SNAI3: variants seen among roughly 807,000 people sequenced by gnomAD.
SNAI3 encodes snail family transcriptional repressor 3, also known as zinc finger protein SNAI3.
SNAI3 carries 21 observed loss-of-function variants against 16.4 expected under a neutral mutation model. That is an observed-to-expected ratio of 1.28 (90% CI 0.91 to 1.85). The LOEUF (loss-of-function observed/expected upper bound fraction) is 1.85. SNAI3 is among the 40% of genes most tolerant of loss of function. The pLI is 0.00. For missense variants in SNAI3, 457 were observed against 372.8 expected, an observed-to-expected ratio of 1.23 and a Z score of -1.86; for synonymous variants, 202 against 166.6, an observed-to-expected ratio of 1.21 and a Z score of -1.64.
Position 88,681,795 on chromosome 16 carries a change from C to G in SNAI3, c.77-81G>C, listed in dbSNP as rs1417058377. 1 of 1,312,924 alleles carries G rather than the reference C, an allele frequency of 7.6e-7. No homozygotes were observed. Among genetic ancestry groups the G allele is most frequent in the East Asian group, 2.7e-5 (1 of 36,550 alleles). 81.3% of individuals were successfully genotyped at this position (1,312,924 alleles called of 1,614,324 possible). A position where few individuals can be genotyped will look rare whatever the true frequency, so the allele number is the denominator to read the frequency against. The stretch of plus-strand genomic sequence containing the variant: ...GTGTTTTCCAACTCTGATTCGTGGA[C>G]CCAGTCACAGCCCATCAGCAGCCTG... On this transcript the variant is annotated intron_variant, in intron 1 of 2. Coordinates refer to ENST00000332281, the MANE Select transcript of SNAI3 (RefSeq NM_178310.4). The surrounding 1 kb of genome is among the most constrained non-coding windows in gnomAD (Gnocchi z 5.4).
At chr16:88,678,714 C>T (rs1909061576) in intron 2 of SNAI3, 85 bp from the exon 3 acceptor site, 1 of 1,488,258 alleles carries the variant, frequency 6.7e-7, no homozygotes, top group Non-Finnish European at 8.9e-7. Flanking sequence ...ATGGATACTC[C>T]CATCCCTTCC....
rs1909358821 is a variant in SNAI3 at position 88,686,314 on chromosome 16, G to A, written c.76+17C>T. On this transcript the variant is annotated intron_variant, in intron 1 of 2. Coordinates refer to ENST00000332281, the MANE Select transcript of SNAI3 (RefSeq NM_178310.4). ...GGTCGAGTCCCGGCAGGGGCTCGGG[G>A]ATCGGGTAGTCAGTACCTCTCTGCG... 5 of 1,608,882 alleles carry A rather than the reference G, an allele frequency of 3.1e-6. No individual in the cohort carries two copies. Among genetic ancestry groups the A allele is most frequent in the Non-Finnish European group, 4.2e-6 (5 of 1,178,192 alleles).
chr16:88,685,046 A>G (rs1032460020), intron 1 of SNAI3: 1 of 152,302 alleles, frequency 6.6e-6, no homozygotes, highest in Non-Finnish European at 1.5e-5. Flanking sequence ...ACAGTTGCCC[A>G]CTGGGCCCAG....
At chr16:88,686,094 C>T in intron 1 of SNAI3, 1 of 548,126 alleles carries the variant, frequency 1.8e-6, no homozygotes, top group Non-Finnish European at 3.2e-6. Flanking sequence ...GAAAACTTCT[C>T]CAAGTTGGGA....
chr16:88,682,791 T>G, intron 1 of SNAI3, among the ~76,000 whole-genome samples: 1 of 136,006 alleles, frequency 7.4e-6, no homozygotes, highest in East Asian at 2.1e-4. Flanking sequence ...TTTTTTTTTT[T>G]TAGAGACGGA....
At chr16:88,679,171 C>T in intron 2 of SNAI3, 1 of 888,714 alleles carries the variant, frequency 1.1e-6, no homozygotes. Context: ...CCTGAGGGGC[C>T]CAGAGCACCT....
chr16:88,678,283 G>GCC lies in SNAI3; in HGVS notation c.*163_*164dup, dbSNP rs66535651. On this transcript the variant is annotated 3_prime_UTR_variant, in exon 3 of 3. Coordinates refer to ENST00000332281, the MANE Select transcript of SNAI3 (RefSeq NM_178310.4). ...TGGGGGAGTGTCCTCCGGCCCAGTG[G>GCC]CCCCCGCTGGACTTCTTTGGTTCTG... The GCC allele has an allele frequency of 8.3e-5, 48 of 575,758 alleles. No individual in the cohort carries two copies. Among genetic ancestry groups the GCC allele is most frequent in the East Asian group, 3.6e-4 (12 of 33,800 alleles). The allele number at this position is 575,758 out of a possible 1,614,324, so 35.7% of individuals were successfully genotyped here. A position where few individuals can be genotyped will look rare whatever the true frequency, so the allele number is the denominator to read the frequency against.
rs894851360 is a variant in SNAI3 at position 88,681,961 on chromosome 16, C to G, written c.77-247G>C. On this transcript the variant is annotated intron_variant, in intron 1 of 2. Coordinates refer to ENST00000332281, the MANE Select transcript of SNAI3 (RefSeq NM_178310.4). This position sits in a 1 kb window ranked among gnomAD's most constrained non-coding sequence, Gnocchi z 5.4. ...CCCGCGGTCTAGAGAGCGAATCTCA[C>G]TTCCTCTTTAAACACAAAGAAACAT... is the stretch of plus-strand genomic sequence containing the variant. Among the ~76,000 whole-genome samples the G allele has an allele frequency of 6.6e-6, 1 of 152,150 alleles. No individual in the cohort carries two copies.
rs1909176297 is a variant in SNAI3, at chr16:88,681,634, C to CG, written c.156dup (p.Gly53ArgfsTer2). 1 of 1,469,950 alleles carries CG rather than the reference C, an allele frequency of 6.8e-7. No homozygotes were observed. 91.1% of individuals were successfully genotyped at this position (1,469,950 alleles called of 1,614,324 possible). On this transcript the variant is annotated frameshift_variant, in exon 2 of 3. Transcript: ENST00000332281. LOFTEE classifies it high-confidence loss of function. This position sits in a 1 kb window ranked among gnomAD's most constrained non-coding sequence, Gnocchi z 5.4. ...CGGTCCCAGGGCTGGGGAAGGTCAC[C>CG]GGGCACAGAAGGGGCCTCCTTGTCT...
chr16:88,681,143 C>T lies in SNAI3; in HGVS notation c.648G>A (p.Lys216=). 2 of 1,613,844 alleles carry T rather than the reference C, an allele frequency of 1.2e-6. No homozygotes were observed. Among genetic ancestry groups the T allele is most frequent in the Non-Finnish European group, 1.7e-6 (2 of 1,180,008 alleles). ...TLPCTCKICG[K]AFSRPWLLQG... is the part of the protein sequence containing the mutation. Reference sequence around the variant, plus strand: ...GCAGTAACCAGGGCCTGGAGAAGGCCTTGCCACAGATCTTGCAGGTGCAGG... The same window carrying T: ...GCAGTAACCAGGGCCTGGAGAAGGCTTTGCCACAGATCTTGCAGGTGCAGG... Residue 216 remains lysine (K), a synonymous_variant, in exon 2 of 3, where the codon AAG becomes AAA. Coordinates refer to ENST00000332281, the MANE Select transcript of SNAI3 (RefSeq NM_178310.4). The surrounding 1 kb of genome is among the most constrained non-coding windows in gnomAD (Gnocchi z 5.4).
intron 2 of SNAI3, among the ~76,000 whole-genome samples, chr16:88,680,230 G>C (rs1909118721): frequency 6.6e-6 from 1 of 151,190 alleles, no homozygotes; most frequent in Admixed American, 6.6e-5. Context: ...GCCGGCTCTT[G>C]GGAAGGGCAG....
chr16:88,678,034 A>C lies in SNAI3; in HGVS notation c.*414T>G, dbSNP rs2142939798. 1 of 169,836 alleles carries C rather than the reference A, an allele frequency of 5.9e-6. No homozygotes were observed. Among genetic ancestry groups the C allele is most frequent in the Non-Finnish European group, 1.3e-5 (1 of 79,156 alleles). The allele number at this position is 169,836 out of a possible 1,614,324, so 10.5% of individuals were successfully genotyped here. A position where few individuals can be genotyped will look rare whatever the true frequency, so the allele number is the denominator to read the frequency against. The stretch of plus-strand genomic sequence containing the variant: ...AGGGCCACAGGGCGGTGCTCACTAT[A>C]AGTCAGAACTGTTCATTTCTGCTGC... On this transcript the variant is annotated 3_prime_UTR_variant, in exon 3 of 3. Transcript: ENST00000332281.
intron 2 of SNAI3, 110 bp from the exon 3 acceptor site, chr16:88,678,739 A>C: frequency 6.8e-7 from 1 of 1,462,016 alleles, no homozygotes; most frequent in Non-Finnish European, 9.0e-7. Context: ...AAATGCTCAC[A>C]GCCAGAGCAC....
intron 2 of SNAI3, among the ~76,000 whole-genome samples, chr16:88,680,085 C>CAAAAAAA (rs10540733): frequency 8.0e-6 from 1 of 125,114 alleles, no homozygotes; most frequent in Non-Finnish European, 1.7e-5. Context: ...TGCCTCAGAC[C>CAAAAAAA]AAAAAAAAAA....
intron 1 of SNAI3, among the ~76,000 whole-genome samples, chr16:88,683,909 T>G (rs1456423061): frequency 2.6e-5 from 4 of 152,106 alleles, no homozygotes; most frequent in Non-Finnish European, 4.4e-5. Flanking sequence ...AAATGGCCAA[T>G]GAACACATGC....
chr16:88,680,777 G>A (rs1460026598), intron 2 of SNAI3, among the ~76,000 whole-genome samples: 3 of 151,144 alleles, frequency 2.0e-5, no homozygotes, highest in African/African-American at 7.3e-5. Flanking sequence ...TGGATTTTTA[G>A]TAGAGACTGG....
rs552020500 is a variant in SNAI3, at chr16:88,678,242, C to G, written c.*206G>C. ...AGAGGAGTCTCCTCTGAGTGGGCTC[C>G]GCGCGGTGGGATGCCTGGGGGAGTG... On this transcript the variant is annotated 3_prime_UTR_variant, in exon 3 of 3. Coordinates refer to ENST00000332281, the MANE Select transcript of SNAI3 (RefSeq NM_178310.4). 8 of 554,080 alleles carry G rather than the reference C, an allele frequency of 1.4e-5. No homozygotes were observed. In the Admixed American group the frequency reaches 2.6e-4, roughly 18 times the overall value. The allele number at this position is 554,080 out of a possible 1,614,324, so 34.3% of individuals were successfully genotyped here. A position where few individuals can be genotyped will look rare whatever the true frequency, so the allele number is the denominator to read the frequency against.
At chr16:88,679,125 G>A in intron 2 of SNAI3, 1 of 982,826 alleles carries the variant, frequency 1.0e-6, no homozygotes, top group South Asian at 4.7e-5. Flanking sequence ...CATTCCTGTA[G>A]CCCCATAGAG....
At chr16:88,679,094 T>C (rs1271260496) in intron 2 of SNAI3, 3 of 985,342 alleles carry the variant, frequency 3.0e-6, no homozygotes, top group Non-Finnish European at 3.6e-6. Context: ...TAAAGGGAAG[T>C]GTGACTGGGA....
Sources: gnomAD v4.1 joint callset for allele counts (sites outside exome capture counted in the v4.1 genomes callset) on GRCh38, gnomAD v4.1.1 for gene constraint, Gnocchi (gnomAD v3.1) non-coding constraint, MANE v1.5 for transcripts, NCBI Gene and HGNC (gene_info 2026-07-23, HGNC 2026-07-21) for gene names.